Variants in REEP3 observed in about 807,000 individuals in gnomAD.
REEP3 encodes receptor accessory protein 3.
In REEP3, 20 loss-of-function variants were observed where a neutral mutation model predicts 41.3. The ratio of observed to expected loss-of-function variants is 0.48; its 90% CI spans 0.34 to 0.70. The LOEUF (loss-of-function observed/expected upper bound fraction) is 0.70, where lower values mean the gene tolerates loss of function less well. REEP3 is among the 30% of genes least tolerant of loss of function. The pLI, the probability that REEP3 is intolerant of heterozygous loss-of-function variation, is 0.01. For synonymous variants in REEP3, 104 were observed against 101.8 expected, an observed-to-expected ratio of 1.02 and a Z score of -0.13; for missense variants, 271 against 308.8, an observed-to-expected ratio of 0.88 and a Z score of 0.92.
intron 2 of REEP3, among the ~76,000 whole-genome samples, chr10:63,585,487 G>T (rs1211012957): frequency 6.6e-6 from 1 of 152,034 alleles, no homozygotes; most frequent in Admixed American, 6.6e-5. Flanking sequence ...CATTGTGCTG[G>T]TAATCACCTA....
In REEP3 at chr10:63,565,379, T is replaced by C. The variant is rs552632860; in HGVS notation, c.33-959T>C. 6.4e-4 allele frequency among the ~76,000 whole-genome samples: 98 copies of C among 152,362 alleles called. 1 individual carries two copies. Among genetic ancestry groups the C allele is most frequent in the South Asian group, 6.0e-3 (29 of 4,830 alleles). On this transcript the variant is annotated intron_variant, in intron 1 of 7. Coordinates refer to ENST00000373758, the MANE Select transcript of REEP3 (RefSeq NM_001001330.3). ...ACTGTGTATACTGTGTCGTGAGATTTCTGTGTCTATCTTTTCATTATTCAT... is the reference window on the plus strand; with the variant it reads ...ACTGTGTATACTGTGTCGTGAGATTCCTGTGTCTATCTTTTCATTATTCAT...
intron 6 of REEP3, among the ~76,000 whole-genome samples, chr10:63,613,236 T>G (rs1956289375): frequency 6.6e-6 from 1 of 152,176 alleles, no homozygotes. Context: ...GGTCTCGACC[T>G]CCTGACCTTG....
chr10:63,585,387 T>C (rs1484842123), intron 2 of REEP3, among the ~76,000 whole-genome samples: 1 of 152,232 alleles, frequency 6.6e-6, no homozygotes, highest in East Asian at 1.9e-4. Context: ...TAGGAAAGGC[T>C]TTCTTTTGGA....
At chr10:63,575,811 G>A (rs1337395305) in intron 2 of REEP3, among the ~76,000 whole-genome samples, 1 of 152,120 alleles carries the variant, frequency 6.6e-6, no homozygotes, top group African/African-American at 2.4e-5. Context: ...TCGGCTCACC[G>A]CAACCTCTGC....
At chr10:63,599,037 A>G (rs1303444516) in intron 4 of REEP3, 133 bp from the exon 5 acceptor site, 81 of 572,522 alleles carry the variant, frequency 1.4e-4, no homozygotes, top group Non-Finnish European at 1.7e-4. Context: ...AAAGAAAAGA[A>G]AAGAAAGAAA....
chr10:63,609,396 G>T (rs1956258719), intron 5 of REEP3, among the ~76,000 whole-genome samples: 1 of 143,566 alleles, frequency 7.0e-6, no homozygotes, highest in South Asian at 2.2e-4. Context: ...AGCTTGCAGT[G>T]AGCCGAGATT....
intron 5 of REEP3, among the ~76,000 whole-genome samples, chr10:63,605,507 G>T (rs1273925636): frequency 2.6e-5 from 4 of 152,132 alleles, no homozygotes; most frequent in Admixed American, 1.3e-4. Flanking sequence ...GTGCTTGTAC[G>T]ATTATAAAGC....
intron 2 of REEP3, among the ~76,000 whole-genome samples, chr10:63,574,411 T>C (rs1467813006): frequency 2.6e-5 from 4 of 152,214 alleles, no homozygotes; most frequent in Non-Finnish European, 5.9e-5. Flanking sequence ...ATCCTAGCCC[T>C]ACCCATTACT....
chr10:63,542,510 A>T, intron 1 of REEP3, among the ~76,000 whole-genome samples: 1 of 152,240 alleles, frequency 6.6e-6, no homozygotes, highest in South Asian at 2.1e-4. Context: ...TTATATCCTT[A>T]TGATACAAAG....
At chr10:63,531,211 T>TAA (rs1277244968) in intron 1 of REEP3, among the ~76,000 whole-genome samples, 1 of 152,248 alleles carries the variant, frequency 6.6e-6, no homozygotes, top group East Asian at 1.9e-4. Flanking sequence ...GCAGACCAGC[T>TAA]AACGTTAGAA....
chr10:63,597,183 T>C (rs781061593), intron 3 of REEP3, among the ~76,000 whole-genome samples: 1 of 152,176 alleles, frequency 6.6e-6, no homozygotes, highest in Non-Finnish European at 1.5e-5. Context: ...TGTAACACTT[T>C]GTATTTTCCT....
chr10:63,540,575 C>T (rs1955519270), intron 1 of REEP3, among the ~76,000 whole-genome samples: 3 of 152,074 alleles, frequency 2.0e-5, no homozygotes, highest in African/African-American at 7.2e-5. Context: ...ATTTTATCTA[C>T]CATAGCAGAA....
intron 1 of REEP3, among the ~76,000 whole-genome samples, chr10:63,559,356 A>G (rs1955720414): frequency 6.6e-6 from 1 of 152,204 alleles, no homozygotes; most frequent in Middle Eastern, 3.2e-3. Context: ...TTCATTTTTC[A>G]AACAGAATGT....
intron 1 of REEP3, among the ~76,000 whole-genome samples, chr10:63,543,605 T>C (rs1208297197): frequency 6.6e-6 from 1 of 152,212 alleles, no homozygotes; most frequent in Admixed American, 6.5e-5. Context: ...CTTACGTAAA[T>C]TGTGTGTACA....
At chr10:63,529,887 T>A (rs1467567409) in intron 1 of REEP3, among the ~76,000 whole-genome samples, 1 of 151,986 alleles carries the variant, frequency 6.6e-6, no homozygotes, top group East Asian at 1.9e-4. Context: ...CAAGCAATTC[T>A]CCTACCTCAG....
At chr10:63,611,388 A>C (rs967773979) in intron 6 of REEP3, among the ~76,000 whole-genome samples, 1 of 152,240 alleles carries the variant, frequency 6.6e-6, no homozygotes, top group Non-Finnish European at 1.5e-5. Context: ...TCCCATGGAA[A>C]ATGTGTTAAA....
intron 6 of REEP3, among the ~76,000 whole-genome samples, chr10:63,612,924 G>A (rs1271711988): frequency 6.6e-6 from 1 of 152,068 alleles, no homozygotes; most frequent in Non-Finnish European, 1.5e-5. Flanking sequence ...CCAAGGATTG[G>A]CTAAGAATTA....
intron 1 of REEP3, among the ~76,000 whole-genome samples, chr10:63,553,820 C>T (rs1038163865): frequency 6.6e-6 from 1 of 151,964 alleles, no homozygotes; most frequent in Non-Finnish European, 1.5e-5. Flanking sequence ...TTAGATTGGC[C>T]GGGGGCGGTG....
intron 1 of REEP3, among the ~76,000 whole-genome samples, chr10:63,527,456 C>G (rs904669295): frequency 4.6e-5 from 7 of 152,018 alleles, no homozygotes; most frequent in Admixed American, 3.9e-4. Flanking sequence ...TAGATTACCT[C>G]AGCTCAGGAG....
Sources: allele counts gnomAD v4.1 joint callset (sites outside exome capture counted in the v4.1 genomes callset), GRCh38; gene constraint gnomAD v4.1.1; transcripts MANE v1.5; gene names NCBI Gene and HGNC (gene_info 2026-07-23, HGNC 2026-07-21).